Variants in RABGAP1L observed in about 807,000 individuals in gnomAD.
The protein encoded by RABGAP1L is RAB GTPase activating protein 1 like.
Under a neutral mutation model 137.7 loss-of-function variants are expected in RABGAP1L, and 63 were observed. The observed-to-expected ratio is 0.46, with a 90% confidence interval of 0.37 to 0.56. The LOEUF (loss-of-function observed/expected upper bound fraction) is 0.56. Among genes scored for constraint, RABGAP1L ranks in the 20% least tolerant of loss-of-function variants. The pLI, the probability that RABGAP1L is intolerant of heterozygous loss-of-function variation, is 0.00. For missense variants in RABGAP1L, 1,095 were observed against 1,244.0 expected, an observed-to-expected ratio of 0.88 and a Z score of 1.80; for synonymous variants, 431 against 433.7, an observed-to-expected ratio of 0.99 and a Z score of 0.08.
intron 19 of RABGAP1L, among the ~76,000 whole-genome samples, chr1:174,908,086 G>A (rs1174179638): frequency 6.6e-6 from 1 of 152,162 alleles, no homozygotes. Context: ...AATGATAAAA[G>A]GGTCAATTAA....
chr1:174,892,660 T>G, intron 19 of RABGAP1L: 1 of 536,018 alleles, frequency 1.9e-6, no homozygotes, highest in South Asian at 1.4e-5. Context: ...CTGATCCACT[T>G]TGGGATGGTC....
chr1:174,547,735 G>T (rs1666135409), intron 13 of RABGAP1L: 3 of 982,114 alleles, frequency 3.1e-6, no homozygotes, highest in South Asian at 1.7e-5. Context: ...GCAAAGTTTG[G>T]ATATGGAGTC....
chr1:174,560,714 C>T lies in RABGAP1L; in HGVS notation c.1711-76661C>T, dbSNP rs111389042. 1.3e-3 allele frequency among the ~76,000 whole-genome samples: 192 copies of T among 152,246 alleles called. 1 individual carries two copies. The highest frequency in any genetic ancestry group is 4.4e-3 in the African/African-American group (181 of 41,534). On this transcript the variant is annotated intron_variant, in intron 13 of 25. Coordinates refer to ENST00000681986, the MANE Select transcript of RABGAP1L (RefSeq NM_001366446.1). ...GTAGTTTTTTGGCCATCCTCCCCTT[C>T]GCACCCTCCCCCTTCTAGTAGTCCT...
intron 13 of RABGAP1L, among the ~76,000 whole-genome samples, chr1:174,492,640 G>C (rs192736448): frequency 6.6e-6 from 1 of 151,918 alleles, no homozygotes; most frequent in Non-Finnish European, 1.5e-5. Context: ...ATGAGCCACC[G>C]TGCCTGGTCT....
At chr1:174,939,652 T>G (rs1055897503) in intron 19 of RABGAP1L, among the ~76,000 whole-genome samples, 20 of 152,210 alleles carry the variant, frequency 1.3e-4, no homozygotes, top group African/African-American at 4.3e-4. Context: ...ATGCATTATT[T>G]TAGAAATTGC....
intron 1 of RABGAP1L, among the ~76,000 whole-genome samples, chr1:174,176,882 C>G (rs1205403166): frequency 1.3e-5 from 2 of 151,472 alleles, no homozygotes; most frequent in Non-Finnish European, 2.9e-5. Context: ...AGTTTGGGAC[C>G]AGTCTGACCA....
Position 174,667,935 on chromosome 1 carries a change from C to T in RABGAP1L, c.1825-15587C>T, listed in dbSNP as rs563835004. Among the ~76,000 whole-genome samples the T allele has an allele frequency of 1.1e-4, 16 of 152,282 alleles. No homozygotes were observed. The South Asian group carries it at 3.3e-3, about 32-fold the overall frequency. On this transcript the variant is annotated intron_variant, in intron 14 of 25. Coordinates refer to ENST00000681986, the MANE Select transcript of RABGAP1L (RefSeq NM_001366446.1). ...ATATACGATAGGTGCTCAGTAAATA[C>T]TCAATTGCTGAGTGAAGGTATATTA...
chr1:174,561,065 G>A (rs1443122830), intron 13 of RABGAP1L, among the ~76,000 whole-genome samples: 1 of 152,154 alleles, frequency 6.6e-6, no homozygotes. Context: ...CTTGTGTTTT[G>A]TAATAAAGTT....
In RABGAP1L at chr1:174,944,366, A is replaced by C. The variant is rs543343921; in HGVS notation, c.2341-13091A>C. On this transcript the variant is annotated intron_variant, in intron 19 of 25. Coordinates refer to ENST00000681986, the MANE Select transcript of RABGAP1L (RefSeq NM_001366446.1). ...TGTATAAAAATAGCAATTCAAGGCC[A>C]GGTGTAGTGGCTTACACCTGTAATG... Among the ~76,000 whole-genome samples the C allele has an allele frequency of 2.1e-3, 314 of 151,756 alleles. 3 individuals carry two copies. Among genetic ancestry groups the C allele is most frequent in the Non-Finnish European group, 1.1e-3 (77 of 67,934 alleles).
intron 13 of RABGAP1L, among the ~76,000 whole-genome samples, chr1:174,431,679 A>G (rs558961143): frequency 6.6e-6 from 1 of 152,326 alleles, no homozygotes; most frequent in South Asian, 2.1e-4. Flanking sequence ...ATAGATTCAT[A>G]AAATATAGAG....
intron 1 of RABGAP1L, among the ~76,000 whole-genome samples, chr1:174,187,572 AT>A (rs1666900896): frequency 6.6e-6 from 1 of 152,176 alleles, no homozygotes; most frequent in East Asian, 1.9e-4. Context: ...CCAAGTATGC[AT>A]TTAATGAAAT....
At chr1:174,805,885 C>T (rs755410359) in intron 18 of RABGAP1L, among the ~76,000 whole-genome samples, 16 of 152,110 alleles carry the variant, frequency 1.1e-4, no homozygotes, top group Non-Finnish European at 1.9e-4. Flanking sequence ...TTGAAATTGT[C>T]GAAATCTTAT....
chr1:174,573,602 C>T (rs1414838828), intron 13 of RABGAP1L, among the ~76,000 whole-genome samples: 1 of 151,982 alleles, frequency 6.6e-6, no homozygotes, highest in African/African-American at 2.4e-5. Context: ...GAGATTTGAT[C>T]TATTACTATG....
intron 14 of RABGAP1L, among the ~76,000 whole-genome samples, chr1:174,680,708 A>T (rs1032347648): frequency 2.6e-5 from 4 of 152,034 alleles, no homozygotes; most frequent in African/African-American, 9.7e-5. Flanking sequence ...CCTGGGCAAC[A>T]TGGCAAAACC....
At chr1:174,247,374 A>G (rs1038438079) in intron 5 of RABGAP1L, among the ~76,000 whole-genome samples, 7 of 152,222 alleles carry the variant, frequency 4.6e-5, no homozygotes, top group Non-Finnish European at 7.3e-5. Context: ...CCCTAACAGC[A>G]GTTAGTGTGG....
At chr1:174,161,219 G>T (rs985990114) in intron 1 of RABGAP1L, among the ~76,000 whole-genome samples, 2 of 145,310 alleles carry the variant, frequency 1.4e-5, no homozygotes, top group Non-Finnish European at 3.0e-5. Context: ...GCTCTGATGT[G>T]TATTATTATT....
chr1:174,317,766 C>T (rs990879233), intron 11 of RABGAP1L, among the ~76,000 whole-genome samples: 2 of 152,178 alleles, frequency 1.3e-5, no homozygotes, highest in East Asian at 1.9e-4. Flanking sequence ...TTTACTTGTA[C>T]ATAGCACTGT....
At chr1:174,574,995 A>G (rs1427034370) in intron 13 of RABGAP1L, among the ~76,000 whole-genome samples, 2 of 152,224 alleles carry the variant, frequency 1.3e-5, no homozygotes, top group South Asian at 2.1e-4. Context: ...CAATGGCACA[A>G]TCTCGGCTCA....
In RABGAP1L at chr1:174,354,238, CT is replaced by C. The variant is rs200144941; in HGVS notation, c.1466-16731del. Among the ~76,000 whole-genome samples the C allele has an allele frequency of 3.6e-3, 532 of 147,580 alleles. 13 individuals are homozygous for C. In the East Asian group the frequency reaches 0.055, roughly 15 times the overall value. On this transcript the variant is annotated intron_variant, in intron 11 of 25. Transcript: ENST00000681986. ...TTTCTTCTCTTCCACCACTTTGCTT[CT>C]TTTTTTTTTAAATTCAATTTAATTT... is the stretch of plus-strand genomic sequence containing the variant.
Sources: gnomAD v4.1 joint callset for allele counts (sites outside exome capture counted in the v4.1 genomes callset) on GRCh38, gnomAD v4.1.1 for gene constraint, MANE v1.5 for transcripts, NCBI Gene and HGNC (gene_info 2026-07-23, HGNC 2026-07-21) for gene names.